Variants in MCF2L2 observed in about 807,000 individuals in gnomAD.
MCF2L2 encodes MCF.2 cell line derived transforming sequence-like 2, also known as probable guanine nucleotide exchange factor MCF2L2.
A neutral mutation model predicts 150.2 loss-of-function variants in MCF2L2; 102 were observed. That is an observed-to-expected ratio of 0.68 (90% CI 0.58 to 0.80). The LOEUF (loss-of-function observed/expected upper bound fraction) is 0.80. Among genes scored for constraint, MCF2L2 ranks in the 30% least tolerant of loss-of-function variants. The pLI is 0.00. For missense variants in MCF2L2, 1,256 were observed against 1,372.8 expected (o/e 0.91, Z 1.34); for synonymous variants, 465 against 491.3 (o/e 0.95, Z 0.71).
chr3:183,183,557 A>G (rs566492637), intron 27 of MCF2L2, among the ~76,000 whole-genome samples: 25 of 152,282 alleles, frequency 1.6e-4, no homozygotes, highest in African/African-American at 6.0e-4. Context: ...TCACTCTGTC[A>G]CTCACTAGCT....
At chr3:183,228,743 A>G (rs1368130086) in intron 17 of MCF2L2, among the ~76,000 whole-genome samples, 2 of 152,200 alleles carry the variant, frequency 1.3e-5, no homozygotes, top group African/African-American at 2.4e-5. Flanking sequence ...AGCACTAGTC[A>G]TAGATAGACT....
chr3:183,263,345 A>G (rs1360553707), intron 15 of MCF2L2, among the ~76,000 whole-genome samples: 3 of 152,082 alleles, frequency 2.0e-5, no homozygotes, highest in Admixed American at 1.3e-4. Context: ...CCAGCCCCCA[A>G]GTGGGGCAGG....
intron 15 of MCF2L2, among the ~76,000 whole-genome samples, chr3:183,249,201 GC>G (rs1262736021): frequency 1.3e-5 from 2 of 152,242 alleles, no homozygotes; most frequent in Admixed American, 1.3e-4. Flanking sequence ...GTTAGAGGCA[GC>G]CCTCTGGGAC....
chr3:183,219,998 T>C, intron 20 of MCF2L2, 74 bp from the exon 21 acceptor site: 1 of 1,082,932 alleles, frequency 9.2e-7, no homozygotes, highest in Non-Finnish European at 1.4e-6. Context: ...CAACAAAATC[T>C]ACTGTGCAAA....
rs765544080 is a variant in MCF2L2, at chr3:183,270,608, G to A, written c.1862+6264C>T. 1.2e-5 allele frequency: 19 copies of A among 1,614,022 alleles called. No individual in the cohort carries two copies. Among genetic ancestry groups the A allele is most frequent in the Non-Finnish European group, 1.5e-5 (18 of 1,180,034 alleles). ...GTGATGTAGCTGCCAAAGTCTATGA[G>A]GCATCACAGACACTAAATTCAAGTC... On this transcript the variant is annotated intron_variant, in intron 15 of 29. Transcript: ENST00000328913. This position sits in a 1 kb window ranked among gnomAD's most constrained non-coding sequence, Gnocchi z 4.5.
intron 5 of MCF2L2, among the ~76,000 whole-genome samples, chr3:183,330,688 A>AT (rs891269233): frequency 1.3e-5 from 2 of 151,874 alleles, no homozygotes; most frequent in Non-Finnish European, 2.9e-5. Context: ...GTTTCCCCAC[A>AT]TTTTTTTTCT....
chr3:183,216,454 A>G (rs1441766248), intron 21 of MCF2L2, among the ~76,000 whole-genome samples: 3 of 141,606 alleles, frequency 2.1e-5, no homozygotes, highest in Non-Finnish European at 3.1e-5. Flanking sequence ...ATAGTATATT[A>G]AATATTTATA....
At chr3:183,320,094 C>CTTTTTT in intron 6 of MCF2L2, among the ~76,000 whole-genome samples, 1 of 134,646 alleles carries the variant, frequency 7.4e-6, no homozygotes, top group Non-Finnish European at 1.6e-5. Flanking sequence ...TTTTTCTTTT[C>CTTTTTT]TTTTTTTTTT....
chr3:183,404,221 C>A (rs1247858696), intron 1 of MCF2L2, among the ~76,000 whole-genome samples: 1 of 152,108 alleles, frequency 6.6e-6, no homozygotes, highest in Non-Finnish European at 1.5e-5. Flanking sequence ...TTAGAGTTCA[C>A]TCATAATTTT....
At chr3:183,278,389 T>C (rs968747287) in intron 14 of MCF2L2, among the ~76,000 whole-genome samples, 1 of 151,790 alleles carries the variant, frequency 6.6e-6, no homozygotes, top group Admixed American at 6.6e-5. Context: ...AAAGTAAGTA[T>C]CAGTCCCAGG....
Position 183,387,264 on chromosome 3 carries a change from C to CA in MCF2L2, c.160+2431dup, listed in dbSNP as rs112807324. Reference sequence around the variant, plus strand: ...TGGGCAACATAGCGACACCATGTCTCAAAAAAAAAAAAAAAGCAAAGAAAA... The same window carrying CA: ...TGGGCAACATAGCGACACCATGTCTCAAAAAAAAAAAAAAAAGCAAAGAAAA... On this transcript the variant is annotated intron_variant, in intron 2 of 29. Transcript: ENST00000328913. Among the ~76,000 whole-genome samples the CA allele has an allele frequency of 2.5e-3, 209 of 84,160 alleles. 1 individual carries two copies. The highest frequency in any genetic ancestry group is 9.4e-3 in the South Asian group (24 of 2,560). The allele number at this position is 84,160 out of a possible 152,430, so 55.2% of individuals were successfully genotyped here. A position where few individuals can be genotyped will look rare whatever the true frequency, so the allele number is the denominator to read the frequency against.
intron 15 of MCF2L2, among the ~76,000 whole-genome samples, chr3:183,240,996 G>C (rs1049817144): frequency 6.6e-6 from 1 of 152,222 alleles, no homozygotes; most frequent in Non-Finnish European, 1.5e-5. Flanking sequence ...ACTTGGGATA[G>C]AGAAATGTAC....
intron 1 of MCF2L2, among the ~76,000 whole-genome samples, chr3:183,422,935 T>C (rs1415061598): frequency 6.6e-6 from 1 of 152,220 alleles, no homozygotes; most frequent in Non-Finnish European, 1.5e-5. Flanking sequence ...CAACTGTTTC[T>C]TTTTAAATGT....
chr3:183,382,924 T>C (rs1713617587), intron 2 of MCF2L2, among the ~76,000 whole-genome samples: 1 of 152,128 alleles, frequency 6.6e-6, no homozygotes, highest in African/African-American at 2.4e-5. Context: ...ATGGGGAAGG[T>C]TGCAAAGCAT....
chr3:183,400,490 G>A (rs751930401), intron 1 of MCF2L2: 3 of 456,372 alleles, frequency 6.6e-6, no homozygotes, highest in South Asian at 1.5e-5. Context: ...ACCAGACCAC[G>A]ACTGGATTCC....
At position 183,232,060 on chromosome 3, in the gene MCF2L2, A is replaced by G. The variant is rs142210911; in HGVS notation, c.1863-1043T>C. On this transcript the variant is annotated intron_variant, in intron 15 of 29. Coordinates refer to ENST00000328913, the MANE Select transcript of MCF2L2 (RefSeq NM_015078.4). The stretch of plus-strand genomic sequence containing the variant: ...ATCCAGTTGGGCCTGTCCTAATCAT[A>G]TGAACTCAGATCTATATGGGTCAAG... 7.8e-4 allele frequency among the ~76,000 whole-genome samples: 119 copies of G among 152,314 alleles called. 2 individuals are homozygous for G. In the East Asian group the frequency reaches 0.021, roughly 27 times the overall value.
At chr3:183,427,831 G>T in intron 1 of MCF2L2, 71 bp downstream of exon 1, 1 of 1,334,502 alleles carries the variant, frequency 7.5e-7, no homozygotes. Context: ...GAGGCCAGGA[G>T]CCAGATGAAG....
intron 21 of MCF2L2, among the ~76,000 whole-genome samples, chr3:183,216,568 ATATATATATATATTTTTTTTT>A (rs1207121514): frequency 0.01 from 70 of 6,990 alleles, 1 homozygote; most frequent in South Asian, 0.1. Context: ...ATATATATAT[ATATATATATATATTTTTTTTT>A]TTTTTTTTTT....
intron 15 of MCF2L2, among the ~76,000 whole-genome samples, chr3:183,275,395 G>T (rs1338767956): frequency 1.3e-5 from 2 of 152,206 alleles, no homozygotes; most frequent in Non-Finnish European, 2.9e-5. Flanking sequence ...GCAAAGACTG[G>T]TGATCTTAAG....
Sources: gnomAD v4.1 joint callset for allele counts (sites outside exome capture counted in the v4.1 genomes callset) on GRCh38, gnomAD v4.1.1 for gene constraint, Gnocchi (gnomAD v3.1) non-coding constraint, MANE v1.5 for transcripts, NCBI Gene and HGNC (gene_info 2026-07-23, HGNC 2026-07-21) for gene names.